Variants in HS3ST4 observed in about 807,000 individuals in gnomAD.
HS3ST4 encodes the protein heparan sulfate glucosamine 3-O-sulfotransferase 4.
In HS3ST4, 17 loss-of-function variants were observed where a neutral mutation model predicts 29.2. The observed-to-expected ratio is 0.58, with a 90% CI of 0.40 to 0.87. HS3ST4 has a LOEUF of 0.87. Among genes scored for constraint, HS3ST4 ranks in the 40% least tolerant of loss-of-function variants. The pLI is 0.00. For synonymous variants in HS3ST4, 314 were observed against 285.7 expected (o/e 1.10, Z -1.00); for missense variants, 627 against 634.5 (o/e 0.99, Z 0.13).
intron 1 of HS3ST4, among the ~76,000 whole-genome samples, chr16:25,813,495 G>A (rs567326778): frequency 6.6e-6 from 1 of 152,278 alleles, no homozygotes; most frequent in African/African-American, 2.4e-5. Context: ...TACTTGGGAG[G>A]CTGAGGGAGA....
intron 1 of HS3ST4, among the ~76,000 whole-genome samples, chr16:25,858,447 G>A (rs956249454): frequency 6.6e-6 from 1 of 152,116 alleles, no homozygotes; most frequent in South Asian, 2.1e-4. Context: ...CTGTGGTAGG[G>A]CATTCACTTT....
At chr16:25,891,064 G>T (rs1968003017) in intron 1 of HS3ST4, among the ~76,000 whole-genome samples, 1 of 152,158 alleles carries the variant, frequency 6.6e-6, no homozygotes, top group African/African-American at 2.4e-5. Context: ...GTGATGTGAG[G>T]ATCTGCCTAC....
At chr16:25,840,455 C>T (rs1967401400) in intron 1 of HS3ST4, among the ~76,000 whole-genome samples, 1 of 152,292 alleles carries the variant, frequency 6.6e-6, no homozygotes, top group South Asian at 2.1e-4. Flanking sequence ...AAATAACTCT[C>T]ATATTTTATT....
intron 1 of HS3ST4, among the ~76,000 whole-genome samples, chr16:25,777,412 AGTGTGT>A (rs56191219): frequency 0.068 from 10,025 of 147,924 alleles, 799 homozygotes; most frequent in African/African-American, 0.2. Context: ...AGCACACCAA[AGTGTGT>A]GTGTGTGTGT....
At position 25,743,178 on chromosome 16, in the gene HS3ST4, A is replaced by T. The variant is rs200774276; in HGVS notation, c.734+50027A>T. Among the ~76,000 whole-genome samples, 9 of 152,132 alleles carry T rather than the reference A, an allele frequency of 5.9e-5. No homozygotes were observed. In the East Asian group the frequency reaches 1.7e-3, roughly 29 times the overall value. On this transcript the variant is annotated intron_variant, in intron 1 of 1. Transcript: ENST00000331351. ...GAAGAGGCAGTGTAGCCTCCTGGTG[A>T]TGACTGTGTGGGCTCCGAGGACCAG...
At chr16:26,044,943 A>G (rs1020120654) in intron 1 of HS3ST4, among the ~76,000 whole-genome samples, 2 of 152,170 alleles carry the variant, frequency 1.3e-5, no homozygotes, top group African/African-American at 4.8e-5. Context: ...CCTGGACAGG[A>G]TTGATTGCTG....
At chr16:25,889,124 G>A (rs931650657) in intron 1 of HS3ST4, among the ~76,000 whole-genome samples, 3 of 152,092 alleles carry the variant, frequency 2.0e-5, no homozygotes, top group Non-Finnish European at 2.9e-5. Flanking sequence ...TTCAATATGC[G>A]CCACAGGAGG....
chr16:25,860,946 G>C (rs568401437), intron 1 of HS3ST4, among the ~76,000 whole-genome samples: 2 of 152,254 alleles, frequency 1.3e-5, no homozygotes, highest in East Asian at 3.9e-4. Context: ...CTGATAATGA[G>C]GGAGGCTGTA....
At chr16:25,751,682 A>G (rs1966721229) in intron 1 of HS3ST4, among the ~76,000 whole-genome samples, 1 of 152,198 alleles carries the variant, frequency 6.6e-6, no homozygotes, top group Non-Finnish European at 1.5e-5. Flanking sequence ...GCTGAAGAAC[A>G]TCTTAGTGGA....
At chr16:25,699,291 C>T (rs1251876698) in intron 1 of HS3ST4, among the ~76,000 whole-genome samples, 2 of 152,144 alleles carry the variant, frequency 1.3e-5, no homozygotes, top group African/African-American at 4.8e-5. Flanking sequence ...GATTTTGTAA[C>T]AGCATGGGGG....
At chr16:25,856,671 C>G (rs1489212828) in intron 1 of HS3ST4, among the ~76,000 whole-genome samples, 2 of 152,118 alleles carry the variant, frequency 1.3e-5, no homozygotes, top group Non-Finnish European at 2.9e-5. Context: ...ACAAAGAAAT[C>G]TCAAAATGTT....
rs141937141 is a variant in HS3ST4, at chr16:25,925,612, G to A, written c.735-210000G>A. 2.2e-4 allele frequency among the ~76,000 whole-genome samples: 34 copies of A among 152,302 alleles called. No homozygotes were observed. The East Asian group carries it at 5.2e-3, about 23-fold the overall frequency. Reference sequence around the variant, plus strand: ...ATCCCCTAAGTGCCAGTGACGGGGAGGCTTTGACTGGGGAAACATCAGAGA... The same window carrying A: ...ATCCCCTAAGTGCCAGTGACGGGGAAGCTTTGACTGGGGAAACATCAGAGA... On this transcript the variant is annotated intron_variant, in intron 1 of 1. Transcript: ENST00000331351.
intron 1 of HS3ST4, among the ~76,000 whole-genome samples, chr16:25,975,553 A>G (rs1309412122): frequency 6.6e-6 from 1 of 152,166 alleles, no homozygotes; most frequent in African/African-American, 2.4e-5. Flanking sequence ...ATCTAAAGGA[A>G]AGGTTGAAAT....
In HS3ST4 at chr16:25,844,046, C is replaced by G. The variant is rs367719845; in HGVS notation, c.734+150895C>G. ...TGCAAATGAGTTAAAGTACTAATTT[C>G]TAACTGCTGAACAGGTAAGGCAGAT... On this transcript the variant is annotated intron_variant, in intron 1 of 1. Transcript: ENST00000331351. Among the ~76,000 whole-genome samples, 9 of 152,120 alleles carry G rather than the reference C, an allele frequency of 5.9e-5. No homozygotes were observed. In the East Asian group the frequency reaches 1.7e-3, roughly 29 times the overall value.
chr16:26,129,872 T>C (rs185597118), intron 1 of HS3ST4, among the ~76,000 whole-genome samples: 2 of 152,298 alleles, frequency 1.3e-5, no homozygotes, highest in Admixed American at 6.5e-5. Context: ...TGAATGGCTG[T>C]GCTCAGTCTA....
At chr16:26,023,514 C>G (rs1325643866) in intron 1 of HS3ST4, among the ~76,000 whole-genome samples, 1 of 152,084 alleles carries the variant, frequency 6.6e-6, no homozygotes, top group Non-Finnish European at 1.5e-5. Context: ...ATCCTCCCAC[C>G]TCTACCTCCC....
chr16:25,861,727 C>A lies in HS3ST4; in HGVS notation c.734+168576C>A, dbSNP rs559726902. Among the ~76,000 whole-genome samples the A allele has an allele frequency of 3.3e-5, 5 of 152,284 alleles. No homozygotes were observed. The South Asian group carries it at 1.0e-3, about 32-fold the overall frequency. ...TTCTCTCAGGAAAAACAAAAACCAT[C>A]TAAACTTATTGTAATATATTTCCTG... On this transcript the variant is annotated intron_variant, in intron 1 of 1. Coordinates refer to ENST00000331351, the MANE Select transcript of HS3ST4 (RefSeq NM_006040.3).
At chr16:25,944,318 T>C (rs997130272) in intron 1 of HS3ST4, among the ~76,000 whole-genome samples, 15 of 152,182 alleles carry the variant, frequency 9.9e-5, no homozygotes, top group African/African-American at 3.1e-4. Flanking sequence ...CTGGGTCTTT[T>C]ATGTGGCAGA....
intron 1 of HS3ST4, among the ~76,000 whole-genome samples, chr16:25,774,515 A>G (rs931763550): frequency 1.3e-5 from 2 of 152,208 alleles, no homozygotes; most frequent in African/African-American, 4.8e-5. Flanking sequence ...CAAGAACCCT[A>G]AGGCCAGACT....
Sources: allele counts gnomAD v4.1 joint callset (sites outside exome capture counted in the v4.1 genomes callset), GRCh38; gene constraint gnomAD v4.1.1; transcripts MANE v1.5; gene names NCBI Gene and HGNC (gene_info 2026-07-23, HGNC 2026-07-21).